DCN: variants seen among roughly 807,000 people sequenced by gnomAD.
The protein encoded by DCN is decorin, also known as bone proteoglycan II.
DCN carries 17 observed loss-of-function variants against 36.5 expected under a neutral mutation model. That is an observed-to-expected ratio of 0.47 (90% CI 0.32 to 0.70). The LOEUF is 0.70. Among genes scored for constraint, DCN ranks in the 30% least tolerant of loss-of-function variants. The pLI is 0.04. For missense variants in DCN, 389 were observed against 430.1 expected (o/e 0.90, Z 0.84); for synonymous variants, 163 against 161.4 (o/e 1.01, Z -0.07).
chr12:91,164,146 C>T (rs1565782087), intron 3 of DCN, among the ~76,000 whole-genome samples: 1 of 151,678 alleles, frequency 6.6e-6, no homozygotes, highest in Non-Finnish European at 1.5e-5. Context: ...TATTCTCACT[C>T]ATACGTGGGA....
At chr12:91,149,810 A>G (rs1481683292) in intron 7 of DCN, among the ~76,000 whole-genome samples, 1 of 152,234 alleles carries the variant, frequency 6.6e-6, no homozygotes, top group Non-Finnish European at 1.5e-5. Flanking sequence ...AACAAATAAA[A>G]AAATTAACAA....
chr12:91,152,711 G>A lies in DCN; in HGVS notation c.746+385C>T, dbSNP rs528900094. ...TGATGCTCAATATTTCTCTGTCTTG[G>A]TAGATTTCATTTTAATGGATTTTCA... is the stretch of plus-strand genomic sequence containing the variant. On this transcript the variant is annotated intron_variant, in intron 6 of 7. Transcript: ENST00000052754. 7.9e-5 allele frequency among the ~76,000 whole-genome samples: 12 copies of A among 152,132 alleles called. No homozygotes were observed. The South Asian group carries it at 1.9e-3, about 24-fold the overall frequency.
intron 5 of DCN, among the ~76,000 whole-genome samples, chr12:91,155,013 G>A (rs1286118392): frequency 6.6e-6 from 1 of 152,128 alleles, no homozygotes; most frequent in African/African-American, 2.4e-5. Flanking sequence ...TTCCATGAGT[G>A]ATGGGAGAAA....
intron 2 of DCN, among the ~76,000 whole-genome samples, chr12:91,166,091 T>C (rs1406888084): frequency 1.3e-5 from 2 of 152,202 alleles, no homozygotes; most frequent in Non-Finnish European, 2.9e-5. Context: ...TACCTGAAGC[T>C]ACCTATTTCT....
chr12:91,161,803 A>C (rs921097200), intron 3 of DCN, among the ~76,000 whole-genome samples: 2 of 152,038 alleles, frequency 1.3e-5, no homozygotes, highest in Non-Finnish European at 2.9e-5. Flanking sequence ...TTCTCTCAAA[A>C]CTGTGTCTGG....
chr12:91,167,392 T>G (rs1315907849), intron 2 of DCN, among the ~76,000 whole-genome samples: 4 of 149,742 alleles, frequency 2.7e-5, no homozygotes, highest in Non-Finnish European at 5.9e-5. Flanking sequence ...GCAATCCATA[T>G]CAAAATAAAA....
chr12:91,155,910 C>T (rs1473019294), intron 5 of DCN, among the ~76,000 whole-genome samples: 1 of 152,078 alleles, frequency 6.6e-6, no homozygotes, highest in African/African-American at 2.4e-5. Context: ...AATATGTACT[C>T]TCAGGAGTTG....
At position 91,143,653 on chromosome 12, in the gene DCN, A is replaced by G. The variant is rs550875716; in HGVS notation, c.*2405T>C. On this transcript the variant is annotated 3_prime_UTR_variant, in exon 8 of 8. Transcript: ENST00000052754. ...TCACACACCAATCCATAAGACATGT[A>G]CAATTAATATTCCCATTTTATGGAC... 1 of 152,098 alleles carries G rather than the reference A, an allele frequency of 6.6e-6. No individual in the cohort carries two copies. The highest frequency in any genetic ancestry group is 1.9e-4 in the East Asian group (1 of 5,166). 9.4% of individuals were successfully genotyped at this position (152,098 alleles called of 1,614,324 possible). A position where few individuals can be genotyped will look rare whatever the true frequency, so the allele number is the denominator to read the frequency against.
Position 91,169,378 on chromosome 12 carries a change from C to CTAAAAAAAAA in DCN, c.212-4662_212-4661insTTTTTTTTTA, listed in dbSNP as rs71097880. On this transcript the variant is annotated intron_variant, in intron 2 of 7. Coordinates refer to ENST00000052754, the MANE Select transcript of DCN (RefSeq NM_001920.5). ...CCTAGGCAACAGGGGGAGATCCTGT[C>CTAAAAAAAAA]AAAAAAAAAAAAAAAAAAAAAAACC... 1.5e-3 allele frequency among the ~76,000 whole-genome samples: 112 copies of CTAAAAAAAAA among 73,396 alleles called. 12 individuals are homozygous for CTAAAAAAAAA. The highest frequency in any genetic ancestry group is 2.2e-3 in the Non-Finnish European group (92 of 41,282). The allele number at this position is 73,396 out of a possible 152,430, so 48.2% of individuals were successfully genotyped here.
chr12:91,164,585 T>A lies in DCN; in HGVS notation c.324+20A>T. 7.5e-7 allele frequency: 1 copy of A among 1,334,560 alleles called. No homozygotes were observed. Among genetic ancestry groups the A allele is most frequent in the Non-Finnish European group, 1.1e-6 (1 of 929,970 alleles). The allele number at this position is 1,334,560 out of a possible 1,614,324, so 82.7% of individuals were successfully genotyped here. A position where few individuals can be genotyped will look rare whatever the true frequency, so the allele number is the denominator to read the frequency against. On this transcript the variant is annotated intron_variant, in intron 3 of 7. Coordinates refer to ENST00000052754, the MANE Select transcript of DCN (RefSeq NM_001920.5). The stretch of plus-strand genomic sequence containing the variant: ...CCTTGAGTCTTATCTTATTGTGAGT[T>A]AAAAAAAAATAGTTCTTACGTGAAG...
At position 91,141,219 on chromosome 12, in the gene DCN, C is replaced by T. The variant is rs1880745255; in HGVS notation, c.*4839G>A. Reference sequence around the variant, plus strand: ...CTTTACAATGGCCTAAAAAGTCCTACAGGATGCGATTGTCATTACCTTTCT... The same window carrying T: ...CTTTACAATGGCCTAAAAAGTCCTATAGGATGCGATTGTCATTACCTTTCT... On this transcript the variant is annotated 3_prime_UTR_variant, in exon 8 of 8. Transcript: ENST00000052754. 6.6e-6 allele frequency: 1 copy of T among 152,172 alleles called. No homozygotes were observed. Among genetic ancestry groups the T allele is most frequent in the Admixed American group, 6.6e-5 (1 of 15,266 alleles). The allele number at this position is 152,172 out of a possible 1,614,324, so 9.4% of individuals were successfully genotyped here.
chr12:91,167,643 C>T (rs1882661240), intron 2 of DCN, among the ~76,000 whole-genome samples: 1 of 152,194 alleles, frequency 6.6e-6, no homozygotes, highest in Admixed American at 6.5e-5. Context: ...GAAATTAACT[C>T]GTTCAACATT....
At chr12:91,165,197 T>C (rs1160127242) in intron 2 of DCN, among the ~76,000 whole-genome samples, 5 of 152,218 alleles carry the variant, frequency 3.3e-5, no homozygotes, top group Non-Finnish European at 7.4e-5. Context: ...GTTAAAATCA[T>C]ATAAACATAT....
intron 6 of DCN, 46 bp downstream of exon 6, chr12:91,153,050 T>C: frequency 1.0e-6 from 1 of 986,806 alleles, no homozygotes; most frequent in East Asian, 2.4e-5. Context: ...AGCACTAATA[T>C]ACCTAGCCAT....
chr12:91,153,524 G>A (rs912683806), intron 5 of DCN, among the ~76,000 whole-genome samples: 10 of 152,020 alleles, frequency 6.6e-5, no homozygotes, highest in Admixed American at 6.6e-4. Flanking sequence ...TAAAACTGAC[G>A]TTGATAAAAG....
In DCN at chr12:91,145,155, A is replaced by C. The variant is rs1880929400; in HGVS notation, c.*903T>G. 6.6e-6 allele frequency: 1 copy of C among 152,212 alleles called. No homozygotes were observed. Among genetic ancestry groups the C allele is most frequent in the Non-Finnish European group, 1.5e-5 (1 of 68,024 alleles). The allele number at this position is 152,212 out of a possible 1,614,324, so 9.4% of individuals were successfully genotyped here. On this transcript the variant is annotated 3_prime_UTR_variant, in exon 8 of 8. Transcript: ENST00000052754. ...TTGTCTGCATTGATAGTTGTTTATA[A>C]ATTCTACAGAAAACATTTCTAACAT... is the stretch of plus-strand genomic sequence containing the variant.
At chr12:91,173,012 G>A in intron 2 of DCN, 1 of 429,800 alleles carries the variant, frequency 2.3e-6, no homozygotes. Context: ...AGCTACAGAA[G>A]TTAAAGCAGT....
At chr12:91,176,842 C>A (rs1883322411) in intron 2 of DCN, 1 of 152,080 alleles carries the variant, frequency 6.6e-6, no homozygotes, top group Admixed American at 6.5e-5. Flanking sequence ...AAAAGATTAT[C>A]CTGTGTATAT....
chr12:91,177,833 T>C (rs1213779592), intron 2 of DCN: 2 of 609,266 alleles, frequency 3.3e-6, no homozygotes, highest in Non-Finnish European at 5.9e-6. Flanking sequence ...ACTTGAAAGA[T>C]AAGATTTTGT....
Sources: gnomAD v4.1 joint callset for allele counts (sites outside exome capture counted in the v4.1 genomes callset) on GRCh38, gnomAD v4.1.1 for gene constraint, MANE v1.5 for transcripts, NCBI Gene and HGNC (gene_info 2026-07-23, HGNC 2026-07-21) for gene names.